Variants in BRF1 observed in about 807,000 individuals in gnomAD.
BRF1 encodes the protein BRF1 general transcription factor IIIB subunit.
A neutral mutation model predicts 81.7 loss-of-function variants in BRF1; 59 were observed. That is an observed-to-expected ratio of 0.72 (90% CI 0.59 to 0.90). The LOEUF is 0.90. Among genes scored for constraint, BRF1 ranks in the 40% least tolerant of loss-of-function variants. The pLI is 0.00. For synonymous variants in BRF1, 491 were observed against 395.6 expected (o/e 1.24, Z -2.86); for missense variants, 1,050 against 936.3 (o/e 1.12, Z -1.58).
chr14:105,209,613 G>C lies in BRF1; in HGVS notation c.*938C>G. The C allele has an allele frequency of 1.4e-6, 1 of 700,314 alleles. No homozygotes were observed. Among genetic ancestry groups the C allele is most frequent in the Non-Finnish European group, 2.6e-6 (1 of 383,386 alleles). 43.4% of individuals were successfully genotyped at this position (700,314 alleles called of 1,614,324 possible). On this transcript the variant is annotated 3_prime_UTR_variant, in exon 18 of 18. Coordinates refer to ENST00000547530, the MANE Select transcript of BRF1 (RefSeq NM_001519.4). ...CTGGGGCCTTCCCACGAAGAGGCCT[G>C]GGGAGGCTCTCGGGCCTCCGTCTGC...
rs200926791 is a variant in BRF1 at position 105,241,386 on chromosome 14, C to T, written c.573G>A (p.Ala191=). Residue 191 remains alanine, a synonymous_variant, in exon 6 of 18, where the codon GCG becomes GCA. Transcript: ENST00000547530. ...TCTTCTCCCCGAATTCCAGCAGGTGCGCAAAGCGTGGAATATACAGGCACG... is the reference window on the plus strand; with the variant it reads ...TCTTCTCCCCGAATTCCAGCAGGTGTGCAAAGCGTGGAATATACAGGCACG... ...IDPCLYIPRF[A]HLLEFGEKNH... is the part of the protein sequence containing the mutation. 26 of 1,612,648 alleles carry T rather than the reference C, an allele frequency of 1.6e-5. No individual in the cohort carries two copies. Among genetic ancestry groups the T allele is most frequent in the African/African-American group, 8.0e-5 (6 of 75,066 alleles).
chr14:105,250,759 TCTTAA>T (rs757470185), intron 5 of BRF1: 27 of 1,363,398 alleles, frequency 2.0e-5, no homozygotes, highest in Non-Finnish European at 2.6e-5. Flanking sequence ...GAAAGGCTGC[TCTTAA>T]CTTTGTCTCT....
chr14:105,315,032 G>T lies in BRF1; in HGVS notation c.-162+290C>A. 8.3e-7 allele frequency: 1 copy of T among 1,201,926 alleles called. No homozygotes were observed. Among genetic ancestry groups the T allele is most frequent in the Non-Finnish European group, 1.0e-6 (1 of 953,772 alleles). 74.5% of individuals were successfully genotyped at this position (1,201,926 alleles called of 1,614,324 possible). A position where few individuals can be genotyped will look rare whatever the true frequency, so the allele number is the denominator to read the frequency against. On this transcript the variant is annotated intron_variant, in intron 1 of 17. Coordinates refer to the BRF1 transcript ENST00000327359. This position sits in a 1 kb window ranked among gnomAD's most constrained non-coding sequence, Gnocchi z 4.4. ...TGGACGGCTCCAGCCCCAGCTGCGT[G>T]CCCAGGTACGCGCCGCCCGCCGCGC...
chr14:105,266,273 C>G (rs2056411918), intron 3 of BRF1, among the ~76,000 whole-genome samples: 1 of 151,818 alleles, frequency 6.6e-6, no homozygotes, highest in African/African-American at 2.4e-5. Flanking sequence ...CAGTGAGACC[C>G]CATCTCTAGT....
At chr14:105,291,771 G>A (rs1185825152) in intron 1 of BRF1, among the ~76,000 whole-genome samples, 1 of 151,924 alleles carries the variant, frequency 6.6e-6, no homozygotes, top group East Asian at 1.9e-4. Flanking sequence ...GCCAAGGCGG[G>A]TGGATCACCT....
In BRF1 at chr14:105,300,558, C is replaced by T; in HGVS notation, c.72G>A (p.Val24=). Residue 24 remains valine, a synonymous_variant, in exon 1 of 18, where the codon GTG becomes GTA. Coordinates refer to ENST00000547530, the MANE Select transcript of BRF1 (RefSeq NM_001519.4). Reference sequence around the variant, plus strand: ...CCAGCACTGAGCCGCAGGCGGTGCACACCGCGTCCCCGCGCGCCGCGTCCA... The same window carrying T: ...CCAGCACTGAGCCGCAGGCGGTGCATACCGCGTCCCCGCGCGCCGCGTCCA... The part of the protein sequence containing the change: ...IELDAARGDA[V]CTACGSVLED... 6.7e-7 allele frequency: 1 copy of T among 1,499,848 alleles called. No homozygotes were observed. Among genetic ancestry groups the T allele is most frequent in the Non-Finnish European group, 8.9e-7 (1 of 1,128,110 alleles). The allele number at this position is 1,499,848 out of a possible 1,614,324, so 92.9% of individuals were successfully genotyped here.
chr14:105,256,872 C>T (rs979969580), intron 3 of BRF1, among the ~76,000 whole-genome samples: 1 of 152,058 alleles, frequency 6.6e-6, no homozygotes, highest in Non-Finnish European at 1.5e-5. Flanking sequence ...AAAGCGTGCA[C>T]CCCCACACAC....
Position 105,210,580 on chromosome 14 carries a change from A to C in BRF1, c.2005T>G (p.Cys669Gly), listed in dbSNP as rs1296074428. The change falls in exon 18 of 18, where the codon TGT (cysteine) becomes GGT (glycine). Residue 669 changes from cysteine to glycine, a missense_variant. Around this residue, in one of 2 missense-constraint regions of BRF1, gnomAD observed 1,043 missense variants for 915.4 expected, o/e 1.14. Coordinates refer to ENST00000547530, the MANE Select transcript of BRF1 (RefSeq NM_001519.4). The surrounding 1 kb of genome is among the most constrained non-coding windows in gnomAD (Gnocchi z 4.7). The part of the protein sequence containing the change: ...LQMMGSNDYG[C>G]DGDEDDGY ...TAGCCGTCGTCCTCATCGCCATCAC[A>C]GCCATAGTCTGCAGAAGAGCACAGT... is the stretch of plus-strand genomic sequence containing the variant. 1 of 1,611,630 alleles carries C rather than the reference A, an allele frequency of 6.2e-7. No homozygotes were observed. The highest frequency in any genetic ancestry group is 2.2e-5 in the East Asian group (1 of 44,882).
intron 8 of BRF1, 24 bp from the exon 9 acceptor site, chr14:105,226,314 C>A: frequency 6.2e-7 from 1 of 1,613,918 alleles, no homozygotes; most frequent in South Asian, 1.1e-5. Flanking sequence ...GGGCAAGAGG[C>A]TTCGTGAAGG....
chr14:105,265,406 C>T (rs2056364651), intron 3 of BRF1, among the ~76,000 whole-genome samples: 1 of 152,180 alleles, frequency 6.6e-6, no homozygotes, highest in African/African-American at 2.4e-5. Flanking sequence ...AAAACCACAT[C>T]TAGGTACATC....
intron 6 of BRF1, 148 bp downstream of exon 6, chr14:105,241,117 G>C: frequency 9.3e-6 from 12 of 1,292,436 alleles, no homozygotes; most frequent in Non-Finnish European, 1.3e-5. Flanking sequence ...GGACCCCGGT[G>C]GGCCAGGCCA....
chr14:105,241,188 AC>A, intron 6 of BRF1, 76 bp downstream of exon 6: 1 of 1,574,548 alleles, frequency 6.4e-7, no homozygotes, highest in Admixed American at 1.7e-5. Context: ...GGCCCAGCCC[AC>A]CAGCACTCAG....
chr14:105,311,515 A>G (rs2058348245), intron 1 of BRF1, among the ~76,000 whole-genome samples: 1 of 152,182 alleles, frequency 6.6e-6, no homozygotes, highest in African/African-American at 2.4e-5. Flanking sequence ...TTGGCCTCCC[A>G]AAGTGCTGGG....
At chr14:105,220,225 C>G in intron 11 of BRF1, 95 bp from the exon 12 acceptor site, 2 of 1,461,418 alleles carry the variant, frequency 1.4e-6, no homozygotes, top group Non-Finnish European at 9.5e-7. Context: ...TGGGTCTGGG[C>G]TAAGGGCTTT....
chr14:105,210,394 G>T lies in BRF1; in HGVS notation c.*157C>A, dbSNP rs1355312075. The T allele has an allele frequency of 4.1e-6, 3 of 733,046 alleles. No individual in the cohort carries two copies. Among genetic ancestry groups the T allele is most frequent in the East Asian group, 2.7e-5 (1 of 36,866 alleles). 45.4% of individuals were successfully genotyped at this position (733,046 alleles called of 1,614,324 possible). On this transcript the variant is annotated 3_prime_UTR_variant, in exon 18 of 18. Transcript: ENST00000547530. The surrounding 1 kb of genome is among the most constrained non-coding windows in gnomAD (Gnocchi z 4.7). ...GCTGAATAGAAACACAATCCCAATG[G>T]TAAGTTCCACATGGGACGAGGGCTG... is the stretch of plus-strand genomic sequence containing the variant.
chr14:105,245,623 TGACA>T (rs1395365418), intron 5 of BRF1, among the ~76,000 whole-genome samples: 1 of 151,820 alleles, frequency 6.6e-6, no homozygotes, highest in African/African-American at 2.4e-5. Flanking sequence ...GAAATGACAA[TGACA>T]GACAGATGAC....
upstream of BRF1, among the ~76,000 whole-genome samples, chr14:105,302,204 CT>C (rs1274491955): frequency 1.2e-3 from 164 of 132,754 alleles, no homozygotes; most frequent in East Asian, 4.8e-3. Context: ...TTTTTTCTTT[CT>C]TTTTTTTTTT....
chr14:105,228,719 C>T lies in BRF1; in HGVS notation c.788+101G>A, dbSNP rs114508838. Reference sequence around the variant, plus strand: ...TCCTGGCCAGCAGCCAGGCGGGGGACGGCAGGGTCCCGGGAGGTGGCGCCT... The same window carrying T: ...TCCTGGCCAGCAGCCAGGCGGGGGATGGCAGGGTCCCGGGAGGTGGCGCCT... On this transcript the variant is annotated intron_variant, in intron 7 of 17. Transcript: ENST00000547530. 1.1e-3 allele frequency: 1,498 copies of T among 1,345,252 alleles called. 12 individuals carry two copies. In the African/African-American group the frequency reaches 0.014, roughly 12 times the overall value. 83.3% of individuals were successfully genotyped at this position (1,345,252 alleles called of 1,614,324 possible).
intron 1 of BRF1, chr14:105,314,724 C>T (rs981165097): frequency 2.8e-4 from 40 of 141,680 alleles, no homozygotes. Flanking sequence ...GGCGGGGCGC[C>T]GGGCGGGGCG....
Sources: gnomAD v4.1 joint callset for allele counts (sites outside exome capture counted in the v4.1 genomes callset) on GRCh38, gnomAD v4.1.1 for gene constraint, gnomAD v4.1.1 regional missense constraint, Gnocchi (gnomAD v3.1) non-coding constraint, MANE v1.5 for transcripts, NCBI Gene and HGNC (gene_info 2026-07-23, HGNC 2026-07-21) for gene names.